DENND2B: variants seen among roughly 807,000 people sequenced by gnomAD.
DENND2B encodes DENN domain containing 2B, also known as DENN domain-containing protein 2B.
A neutral mutation model predicts 116.0 loss-of-function variants in DENND2B; 32 were observed. That is an observed-to-expected ratio of 0.28 (90% CI 0.21 to 0.37). The LOEUF (loss-of-function observed/expected upper bound fraction) is 0.37. Among genes scored for constraint, DENND2B ranks in the 10% least tolerant of loss-of-function variants. The pLI, the probability that DENND2B is intolerant of heterozygous loss-of-function variation, is 1.00. For synonymous variants in DENND2B, 588 were observed against 583.9 expected, an observed-to-expected ratio of 1.01 and a Z score of -0.10; for missense variants, 1,276 against 1,477.7, an observed-to-expected ratio of 0.86 and a Z score of 2.24.
chr11:8,874,794 G>A (rs1415973935), upstream of DENND2B, among the ~76,000 whole-genome samples: 1 of 151,914 alleles, frequency 6.6e-6, no homozygotes, highest in Non-Finnish European at 1.5e-5. Context: ...GGTGGTTTAT[G>A]TACACCTCTA....
intron 1 of DENND2B, among the ~76,000 whole-genome samples, chr11:8,791,182 A>C (rs570194633): frequency 1.2e-4 from 19 of 152,264 alleles, no homozygotes; most frequent in African/African-American, 2.2e-4. Flanking sequence ...ACCTGCTGCC[A>C]CCTCAGCCAG....
intron 1 of DENND2B, among the ~76,000 whole-genome samples, chr11:8,895,179 C>T (rs1229708104): frequency 2.0e-5 from 3 of 151,520 alleles, no homozygotes; most frequent in Non-Finnish European, 4.4e-5. Context: ...TGTTCTCACT[C>T]ATAGGTGGGA....
chr11:8,736,362 A>G (rs2049033201), intron 2 of DENND2B, among the ~76,000 whole-genome samples: 1 of 136,438 alleles, frequency 7.3e-6, no homozygotes, highest in East Asian at 2.1e-4. Flanking sequence ...ACCTTGTCTC[A>G]AAAGAAAAAA....
intron 1 of DENND2B, among the ~76,000 whole-genome samples, chr11:8,888,497 C>G (rs913221052): frequency 1.3e-5 from 2 of 152,158 alleles, no homozygotes; most frequent in Non-Finnish European, 2.9e-5. Context: ...AAGGCCAAAG[C>G]TTCAAAACGT....
chr11:8,857,648 C>T (rs914897635), intron 2 of DENND2B, among the ~76,000 whole-genome samples: 1 of 152,236 alleles, frequency 6.6e-6, no homozygotes, highest in Non-Finnish European at 1.5e-5. Flanking sequence ...TGGGCCTTTG[C>T]TCATGCTGCC....
chr11:8,803,802 C>T (rs183956697), intron 1 of DENND2B, among the ~76,000 whole-genome samples: 35 of 152,314 alleles, frequency 2.3e-4, no homozygotes, highest in Admixed American at 2.2e-3. Flanking sequence ...AAAAACCAGA[C>T]TATGGACCCT....
intron 4 of DENND2B, among the ~76,000 whole-genome samples, chr11:8,834,348 C>T (rs1477638160): frequency 6.6e-6 from 1 of 152,192 alleles, no homozygotes; most frequent in Non-Finnish European, 1.5e-5. Flanking sequence ...AGACGCTTTC[C>T]ATCCTAAGAC....
chr11:8,861,261 G>A (rs1207391549), intron 2 of DENND2B, among the ~76,000 whole-genome samples: 2 of 152,068 alleles, frequency 1.3e-5, no homozygotes, highest in African/African-American at 2.4e-5. Flanking sequence ...CAGAATGGGA[G>A]AAAATATTTG....
At position 8,712,788 on chromosome 11, in the gene DENND2B, T is replaced by A. The variant is rs2043997749; in HGVS notation, c.1988-53A>T. On this transcript the variant is annotated intron_variant, in intron 8 of 19. Coordinates refer to ENST00000313726, the MANE Select transcript of DENND2B (RefSeq NM_213618.2). The surrounding 1 kb of genome is among the most constrained non-coding windows in gnomAD (Gnocchi z 4.4). ...GGACCCTCACAGGCCTCATGTTAAC[T>A]CCTCTACCCCTGGCTCAGGGCTCCA... The A allele has an allele frequency of 1.8e-5, 28 of 1,543,572 alleles. No homozygotes were observed. Among genetic ancestry groups the A allele is most frequent in the Non-Finnish European group, 2.4e-5 (28 of 1,144,258 alleles).
intron 1 of DENND2B, among the ~76,000 whole-genome samples, chr11:8,788,628 C>A (rs2059120782): frequency 6.6e-6 from 1 of 152,198 alleles, no homozygotes; most frequent in Admixed American, 6.5e-5. Flanking sequence ...GCTCTCTCCA[C>A]CCTGGCAACT....
intron 3 of DENND2B, among the ~76,000 whole-genome samples, chr11:8,848,238 C>A (rs1022330730): frequency 6.6e-6 from 1 of 152,202 alleles, no homozygotes; most frequent in African/African-American, 2.4e-5. Flanking sequence ...TCTCTTAGAG[C>A]TTTGATCATA....
chr11:8,845,055 T>G (rs2062764562), intron 3 of DENND2B, among the ~76,000 whole-genome samples: 1 of 152,078 alleles, frequency 6.6e-6, no homozygotes, highest in African/African-American at 2.4e-5. Flanking sequence ...AACTTGTAAA[T>G]GTTAAAAAAA....
chr11:8,764,151 C>T (rs1240407087), intron 1 of DENND2B, among the ~76,000 whole-genome samples: 3 of 151,822 alleles, frequency 2.0e-5, no homozygotes, highest in South Asian at 2.1e-4. Context: ...ACCCGGGAGG[C>T]GGAGGTTGCA....
chr11:8,748,099 G>A (rs1460758395), intron 2 of DENND2B, among the ~76,000 whole-genome samples: 1 of 152,060 alleles, frequency 6.6e-6, no homozygotes, highest in Non-Finnish European at 1.5e-5. Context: ...CTGCCTTCAT[G>A]TGGATGATGT....
At chr11:8,711,273 G>T in intron 9 of DENND2B, 42 bp from the exon 10 acceptor site, 1 of 1,589,196 alleles carries the variant, frequency 6.3e-7, no homozygotes. Context: ...GGAACCTGAG[G>T]GCGGGTGGTG....
At chr11:8,891,264 C>G (rs1027281004) in intron 1 of DENND2B, among the ~76,000 whole-genome samples, 1 of 152,140 alleles carries the variant, frequency 6.6e-6, no homozygotes, top group Non-Finnish European at 1.5e-5. Flanking sequence ...AAGGAACAAC[C>G]GGTACCAGCC....
At chr11:8,806,734 C>T (rs1280083879) in intron 1 of DENND2B, among the ~76,000 whole-genome samples, 5 of 151,768 alleles carry the variant, frequency 3.3e-5, no homozygotes, top group African/African-American at 9.7e-5. Flanking sequence ...AAGACAGATG[C>T]ACCCAGTAGT....
chr11:8,804,622 G>A lies in DENND2B; in HGVS notation c.-26+5895C>T, dbSNP rs575992978. ...TGCAGTGGTGCGATCTCAGCTCACT[G>A]CAACCTCCGCCTCCCAGGTTCAAGC... On this transcript the variant is annotated intron_variant, in intron 1 of 19. Transcript: ENST00000313726. 2.8e-5 allele frequency among the ~76,000 whole-genome samples: 4 copies of A among 142,136 alleles called. No individual in the cohort carries two copies. The South Asian group carries it at 8.8e-4, about 31-fold the overall frequency. The allele number at this position is 142,136 out of a possible 152,430, so 93.2% of individuals were successfully genotyped here.
chr11:8,894,323 A>G (rs2064072255), intron 1 of DENND2B, among the ~76,000 whole-genome samples: 1 of 152,214 alleles, frequency 6.6e-6, no homozygotes, highest in African/African-American at 2.4e-5. Flanking sequence ...AATACCATTC[A>G]GGACATAGGC....
Sources: gnomAD v4.1 joint callset for allele counts (sites outside exome capture counted in the v4.1 genomes callset) on GRCh38, gnomAD v4.1.1 for gene constraint, Gnocchi (gnomAD v3.1) non-coding constraint, MANE v1.5 for transcripts, NCBI Gene and HGNC (gene_info 2026-07-23, HGNC 2026-07-21) for gene names.